The following ZNF469 variants were observed in gnomAD, a reference collection of about 807,000 sequenced individuals.
ZNF469 encodes the protein zinc finger protein 469.
A neutral mutation model predicts 1.0 loss-of-function variants in ZNF469; 1 was observed. The ratio of observed to expected loss-of-function variants is 1.00; its 90% CI spans 0.35 to 4.73. The LOEUF (loss-of-function observed/expected upper bound fraction) is 4.73. ZNF469 is among the 30% of genes most tolerant of loss of function. ZNF469 has a pLI of 0.16. For synonymous variants in ZNF469, 2,703 were observed against 2,363.4 expected, an observed-to-expected ratio of 1.14 and a Z score of -4.17; for missense variants, 6,100 against 5,356.3, an observed-to-expected ratio of 1.14 and a Z score of -4.33.
the ZNF469 span, among the ~76,000 whole-genome samples, chr16:88,214,817 T>C: frequency 6.6e-6 from 1 of 152,240 alleles, no homozygotes; most frequent in Non-Finnish European, 1.5e-5. Flanking sequence ...TCCACGTCCC[T>C]GCAAAGGACA....
chr16:88,430,795 C>T lies in ZNF469; in HGVS notation c.3325C>T (p.Pro1109Ser). The T allele has an allele frequency of 1.3e-6, 2 of 1,528,018 alleles. No individual in the cohort carries two copies. The highest frequency in any genetic ancestry group is 1.7e-6 in the Non-Finnish European group (2 of 1,143,976). The allele number at this position is 1,528,018 out of a possible 1,614,324, so 94.7% of individuals were successfully genotyped here. A position where few individuals can be genotyped will look rare whatever the true frequency, so the allele number is the denominator to read the frequency against. The change falls in exon 3 of 3, where the codon CCC becomes TCC. Residue 1109 changes from proline (P) to serine (S), a missense_variant. Transcript: ENST00000565624. ...EEDEQPPPRG[P>S]GFRGRRGRGE... ...GGACGAGCAGCCTCCGCCGCGGGGC[C>T]CCGGCTTCAGAGGCCGGCGGGGCCG...
chr16:88,346,115 A>G, the ZNF469 span, among the ~76,000 whole-genome samples: 2 of 152,202 alleles, frequency 1.3e-5, no homozygotes, highest in Admixed American at 6.5e-5. Flanking sequence ...AAGAATTTTT[A>G]TTCCTTTCCT....
chr16:88,202,575 C>T, the ZNF469 span, among the ~76,000 whole-genome samples: 16 of 152,172 alleles, frequency 1.1e-4, no homozygotes, highest in African/African-American at 3.6e-4. Flanking sequence ...GCTCTGGCAC[C>T]GCAGGAAGCA....
In ZNF469 at chr16:88,434,971, G is replaced by A. The variant is rs1465409403; in HGVS notation, c.7501G>A (p.Ala2501Thr). 8 of 1,549,960 alleles carry A rather than the reference G, an allele frequency of 5.2e-6. No individual in the cohort carries two copies. Among genetic ancestry groups the A allele is most frequent in the African/African-American group, 1.4e-5 (1 of 73,178 alleles). ...KARKHRPHPG[A>T]PAEPSPAALP... ...CAGGAAGCACCGGCCACACCCGGGA[G>A]CCCCCGCGGAGCCGAGCCCAGCGGC... The change falls in exon 3 of 3, where the codon GCC becomes ACC. Residue 2501 changes from alanine (A) to threonine (T), a missense_variant. Coordinates refer to ENST00000565624, the MANE Select transcript of ZNF469 (RefSeq NM_001367624.2).
the ZNF469 span, among the ~76,000 whole-genome samples, chr16:88,269,614 G>C: frequency 6.6e-6 from 1 of 152,086 alleles, no homozygotes; most frequent in African/African-American, 2.4e-5. Flanking sequence ...CTCCCACCAT[G>C]TCTGTGTGGC....
the ZNF469 span, among the ~76,000 whole-genome samples, chr16:88,209,313 T>C: frequency 6.6e-6 from 1 of 151,742 alleles, no homozygotes; most frequent in South Asian, 2.1e-4. Context: ...TCTTTTGAGA[T>C]GGAGTCTTGC....
chr16:88,308,852 G>A, the ZNF469 span, among the ~76,000 whole-genome samples: 2 of 152,148 alleles, frequency 1.3e-5, no homozygotes, highest in Non-Finnish European at 2.9e-5. Flanking sequence ...CCATTGTGGG[G>A]AGCAGGACTG....
At chr16:88,322,474 C>A in the ZNF469 span, among the ~76,000 whole-genome samples, 1 of 152,242 alleles carries the variant, frequency 6.6e-6, no homozygotes, top group Non-Finnish European at 1.5e-5. Context: ...CCGCAGCCAC[C>A]CATGGCAGTG....
chr16:88,301,458 C>T, the ZNF469 span, among the ~76,000 whole-genome samples: 2 of 152,198 alleles, frequency 1.3e-5, no homozygotes, highest in Non-Finnish European at 2.9e-5. Flanking sequence ...CCAGTGGCCA[C>T]GCTTCTCTAA....
At chr16:88,160,313 C>T in the ZNF469 span, among the ~76,000 whole-genome samples, 4 of 152,126 alleles carry the variant, frequency 2.6e-5, no homozygotes, top group East Asian at 5.8e-4. Flanking sequence ...GATTTTTAAA[C>T]GATTTTATTT....
At chr16:88,214,392 GA>G in the ZNF469 span, among the ~76,000 whole-genome samples, 1 of 151,936 alleles carries the variant, frequency 6.6e-6, no homozygotes, top group Non-Finnish European at 1.5e-5. Context: ...GAGTCAGGGT[GA>G]CTCTGGGCAT....
chr16:88,357,167 C>T, the ZNF469 span, among the ~76,000 whole-genome samples: 1 of 152,236 alleles, frequency 6.6e-6, no homozygotes, highest in East Asian at 1.9e-4. Flanking sequence ...GAACAGTGCT[C>T]CTTCTGGGAC....
At chr16:88,326,502 G>A in the ZNF469 span, among the ~76,000 whole-genome samples, 1 of 152,182 alleles carries the variant, frequency 6.6e-6, no homozygotes, top group Non-Finnish European at 1.5e-5. Flanking sequence ...AGCTTCTGCT[G>A]CTCCTGGGCC....
chr16:88,361,103 G>A, the ZNF469 span, among the ~76,000 whole-genome samples: 2 of 152,160 alleles, frequency 1.3e-5, no homozygotes, highest in Non-Finnish European at 2.9e-5. Flanking sequence ...GGGAGACAGT[G>A]ACAGATCATC....
At chr16:88,158,829 C>T in the ZNF469 span, among the ~76,000 whole-genome samples, 1 of 152,108 alleles carries the variant, frequency 6.6e-6, no homozygotes, top group East Asian at 1.9e-4. Context: ...TGCAGGGGGG[C>T]AGAGCTCTGC....
the ZNF469 span, among the ~76,000 whole-genome samples, chr16:88,273,314 G>T: frequency 6.6e-6 from 1 of 151,640 alleles, no homozygotes. Flanking sequence ...ACATTACTCT[G>T]CAGTAGTTCC....
At chr16:88,176,446 AAGG>A in the ZNF469 span, among the ~76,000 whole-genome samples, 74 of 151,486 alleles carry the variant, frequency 4.9e-4, no homozygotes, top group Non-Finnish European at 8.6e-4. Flanking sequence ...GGCGTCAAAG[AAGG>A]AGATTTGTTC....
chr16:88,117,560 T>C, the ZNF469 span, among the ~76,000 whole-genome samples: 2,711 of 29,404 alleles, frequency 0.092, 79 homozygotes, highest in African/African-American at 0.36. Flanking sequence ...TGTGGAAGTG[T>C]CACGTGCCTT....
chr16:88,279,765 A>G, the ZNF469 span, among the ~76,000 whole-genome samples: 1 of 148,804 alleles, frequency 6.7e-6, no homozygotes. Context: ...TACCGTGTAG[A>G]TATCAGTGCA....
Sources: allele counts gnomAD v4.1 joint callset (sites outside exome capture counted in the v4.1 genomes callset), GRCh38; gene constraint gnomAD v4.1.1; transcripts MANE v1.5; gene names NCBI Gene and HGNC (gene_info 2026-07-23, HGNC 2026-07-21).